The following FOXN3 variants were observed in gnomAD, a reference collection of about 807,000 sequenced individuals.
FOXN3 encodes forkhead box N3, also known as forkhead box protein N3.
Under a neutral mutation model 38.4 loss-of-function variants are expected in FOXN3, and 7 were observed. The ratio of observed to expected loss-of-function variants is 0.18; its 90% CI spans 0.10 to 0.34. The LOEUF (loss-of-function observed/expected upper bound fraction) is 0.34, where lower values mean the gene tolerates loss of function less well. Ranked by LOEUF, FOXN3 falls within the 10% of genes least tolerant of loss-of-function variation. The pLI is 1.00. For synonymous variants in FOXN3, 230 were observed against 242.2 expected, an observed-to-expected ratio of 0.95 and a Z score of 0.47; for missense variants, 456 against 613.4, an observed-to-expected ratio of 0.74 and a Z score of 2.71.
chr14:89,536,877 T>C (rs1027361676), intron 1 of FOXN3, among the ~76,000 whole-genome samples: 4 of 152,224 alleles, frequency 2.6e-5, no homozygotes, highest in African/African-American at 7.2e-5. Context: ...CTGTTCTCTG[T>C]TTAAAATCAT....
At chr14:89,433,430 C>G (rs1207317609) in intron 1 of FOXN3, among the ~76,000 whole-genome samples, 1 of 152,116 alleles carries the variant, frequency 6.6e-6, no homozygotes, top group African/African-American at 2.4e-5. Flanking sequence ...TGCAGTTAGC[C>G]GAGATCGTGC....
chr14:89,391,701 T>C (rs1200260593), intron 2 of FOXN3, among the ~76,000 whole-genome samples: 5 of 152,154 alleles, frequency 3.3e-5, no homozygotes, highest in Non-Finnish European at 7.3e-5. Context: ...GCAGGCTATG[T>C]AGCTAATAAA....
intron 3 of FOXN3, among the ~76,000 whole-genome samples, chr14:89,320,347 T>C (rs1887862832): frequency 6.6e-6 from 1 of 152,238 alleles, no homozygotes. Flanking sequence ...AATGTATTTT[T>C]AATAATAGAA....
intron 4 of FOXN3, among the ~76,000 whole-genome samples, chr14:89,235,227 T>C (rs888964085): frequency 3.3e-5 from 5 of 152,142 alleles, no homozygotes; most frequent in African/African-American, 1.2e-4. Context: ...AGAGGGCCCT[T>C]TGGAACCAGG....
At chr14:89,271,211 T>C (rs1261712622) in intron 4 of FOXN3, among the ~76,000 whole-genome samples, 1 of 152,252 alleles carries the variant, frequency 6.6e-6, no homozygotes, top group Non-Finnish European at 1.5e-5. Context: ...GAAACTGTCA[T>C]GCAAACAGCT....
At chr14:89,442,091 TAA>T (rs1445118357) in intron 1 of FOXN3, among the ~76,000 whole-genome samples, 1 of 152,054 alleles carries the variant, frequency 6.6e-6, no homozygotes, top group Non-Finnish European at 1.5e-5. Context: ...CACGCTTGGC[TAA>T]TTTTGTATTT....
chr14:89,271,925 C>T (rs950812876), intron 4 of FOXN3, among the ~76,000 whole-genome samples: 1 of 152,230 alleles, frequency 6.6e-6, no homozygotes, highest in Non-Finnish European at 1.5e-5. Context: ...GTTCAGGTTT[C>T]TGTGACTTCG....
intron 1 of FOXN3, among the ~76,000 whole-genome samples, chr14:89,535,725 A>G (rs1040191334): frequency 6.6e-6 from 1 of 152,178 alleles, no homozygotes; most frequent in African/African-American, 2.4e-5. Context: ...TCTTCTTAAC[A>G]AGCCTACCCC....
intron 3 of FOXN3, among the ~76,000 whole-genome samples, chr14:89,308,278 AACAG>A (rs1212893037): frequency 1.3e-5 from 2 of 152,228 alleles, no homozygotes; most frequent in Admixed American, 1.3e-4. Flanking sequence ...CAAATGAACA[AACAG>A]ACAAACAAAA....
At chr14:89,511,783 G>A (rs1038549103) in intron 1 of FOXN3, among the ~76,000 whole-genome samples, 15 of 152,178 alleles carry the variant, frequency 9.9e-5, no homozygotes, top group African/African-American at 3.6e-4. Flanking sequence ...CAGGGCTGGG[G>A]AGGCCTCAGG....
intron 1 of FOXN3, among the ~76,000 whole-genome samples, chr14:89,525,194 AG>A (rs1209164412): frequency 1.3e-5 from 2 of 152,138 alleles, no homozygotes; most frequent in African/African-American, 2.4e-5. Flanking sequence ...TCTTACTCAC[AG>A]GGTGAGACAG....
chr14:89,346,030 C>A (rs527699764), intron 3 of FOXN3, among the ~76,000 whole-genome samples: 1 of 152,120 alleles, frequency 6.6e-6, no homozygotes, highest in African/African-American at 2.4e-5. Flanking sequence ...TCCAGCCTGG[C>A]GACAGAGTGA....
chr14:89,470,924 A>G (rs536267382), intron 1 of FOXN3, among the ~76,000 whole-genome samples: 2 of 152,330 alleles, frequency 1.3e-5, no homozygotes, highest in South Asian at 4.1e-4. Flanking sequence ...GTCCAAGCCA[A>G]CTGGGCTTGG....
At chr14:89,200,022 G>A (rs946659549) in intron 4 of FOXN3, among the ~76,000 whole-genome samples, 6 of 152,212 alleles carry the variant, frequency 3.9e-5, no homozygotes, top group Non-Finnish European at 4.4e-5. Flanking sequence ...AATCCCCCAT[G>A]GATACCCAAC....
chr14:89,246,690 C>G lies in FOXN3; in HGVS notation c.745+34260G>C, dbSNP rs530019407. 9.2e-5 allele frequency among the ~76,000 whole-genome samples: 14 copies of G among 152,062 alleles called. No individual in the cohort carries two copies. In the South Asian group the frequency reaches 2.9e-3, roughly 32 times the overall value. ...AGTAGCTGGGATTACAGGCATCCGCCACCACGCCTGGCTAATTTTTTGTAT... is the reference window on the plus strand; with the variant it reads ...AGTAGCTGGGATTACAGGCATCCGCGACCACGCCTGGCTAATTTTTTGTAT... On this transcript the variant is annotated intron_variant, in intron 4 of 5. Coordinates refer to ENST00000557258, the MANE Select transcript of FOXN3 (RefSeq NM_005197.4).
intron 1 of FOXN3, among the ~76,000 whole-genome samples, chr14:89,506,797 C>T (rs1054730378): frequency 3.3e-5 from 5 of 152,190 alleles, no homozygotes; most frequent in Non-Finnish European, 7.3e-5. Context: ...ATTATTCTGC[C>T]TTAGGATCCT....
chr14:89,477,408 T>TA (rs201359220), intron 1 of FOXN3, among the ~76,000 whole-genome samples: 118 of 152,128 alleles, frequency 7.8e-4, no homozygotes, highest in African/African-American at 2.7e-3. Flanking sequence ...AAAGCCATCT[T>TA]AAAAAAAAGA....
chr14:89,365,709 A>G (rs1890120337), intron 2 of FOXN3, among the ~76,000 whole-genome samples: 1 of 152,188 alleles, frequency 6.6e-6, no homozygotes, highest in Non-Finnish European at 1.5e-5. Context: ...CTTCAAACAC[A>G]TGCAAAACAC....
chr14:89,578,988 T>C (rs764379906), intron 1 of FOXN3, among the ~76,000 whole-genome samples: 2 of 151,620 alleles, frequency 1.3e-5, no homozygotes, highest in African/African-American at 4.9e-5. Context: ...TCCGGGACTA[T>C]AGTCACATGC....
Sources: allele counts gnomAD v4.1 joint callset (sites outside exome capture counted in the v4.1 genomes callset), GRCh38; gene constraint gnomAD v4.1.1; transcripts MANE v1.5; gene names NCBI Gene and HGNC (gene_info 2026-07-23, HGNC 2026-07-21).